Variants in ERC2 observed in about 807,000 individuals in gnomAD.
ERC2 encodes ERC protein 2.
In ERC2, 42 loss-of-function variants were observed where a neutral mutation model predicts 114.8. That is an observed-to-expected ratio of 0.37 (90% CI 0.29 to 0.47). The LOEUF (loss-of-function observed/expected upper bound fraction) is 0.47, where lower values mean the gene tolerates loss of function less well. Among genes scored for constraint, ERC2 ranks in the 20% least tolerant of loss-of-function variants. The pLI, the probability that ERC2 is intolerant of heterozygous loss-of-function variation, is 0.99. For missense variants in ERC2, 939 were observed against 1,150.7 expected, an observed-to-expected ratio of 0.82 and a Z score of 2.66; for synonymous variants, 454 against 425.5, an observed-to-expected ratio of 1.07 and a Z score of -0.82.
At chr3:55,767,704 A>G (rs2067907317) in intron 14 of ERC2, among the ~76,000 whole-genome samples, 2 of 152,202 alleles carry the variant, frequency 1.3e-5, no homozygotes, top group Admixed American at 6.5e-5. Context: ...AGTACACTAA[A>G]GGGCATCAGG....
chr3:55,722,883 G>A (rs2148890681), intron 15 of ERC2, among the ~76,000 whole-genome samples: 1 of 152,246 alleles, frequency 6.6e-6, no homozygotes, highest in Admixed American at 6.5e-5. Flanking sequence ...AAATATTTAC[G>A]AATGTCAAGT....
chr3:55,750,631 G>A (rs978628480), intron 14 of ERC2, among the ~76,000 whole-genome samples: 4 of 152,162 alleles, frequency 2.6e-5, no homozygotes, highest in African/African-American at 9.7e-5. Context: ...TCCAGATGGG[G>A]TAAGTGTCTG....
intron 2 of ERC2, among the ~76,000 whole-genome samples, chr3:56,336,867 A>C (rs1405149509): frequency 6.6e-6 from 1 of 152,184 alleles, no homozygotes. Context: ...CTAAGACATT[A>C]TTTCTCTACA....
At chr3:56,125,623 T>C (rs1466525179) in intron 6 of ERC2, among the ~76,000 whole-genome samples, 2 of 152,228 alleles carry the variant, frequency 1.3e-5, no homozygotes, top group Non-Finnish European at 2.9e-5. Flanking sequence ...TCCACTTCCC[T>C]ATCAGATTTC....
chr3:56,300,179 G>A (rs540058644), intron 2 of ERC2, among the ~76,000 whole-genome samples: 3 of 151,268 alleles, frequency 2.0e-5, no homozygotes, highest in African/African-American at 7.3e-5. Context: ...AAGAAGAAAA[G>A]CAGGAAAGAA....
chr3:55,957,517 G>A (rs2068041981), intron 12 of ERC2, among the ~76,000 whole-genome samples: 1 of 152,194 alleles, frequency 6.6e-6, no homozygotes, highest in Non-Finnish European at 1.5e-5. Context: ...AAACCTCTGT[G>A]GCCAGCCGCA....
At chr3:56,320,555 T>C (rs1362987338) in intron 2 of ERC2, among the ~76,000 whole-genome samples, 2 of 152,250 alleles carry the variant, frequency 1.3e-5, no homozygotes, top group Admixed American at 6.5e-5. Flanking sequence ...TATTAAACCA[T>C]GGGAATTGGC....
chr3:56,314,271 C>A (rs1048913496), intron 2 of ERC2, among the ~76,000 whole-genome samples: 1 of 152,030 alleles, frequency 6.6e-6, no homozygotes, highest in Non-Finnish European at 1.5e-5. Flanking sequence ...AGGTTATTTT[C>A]GCTAAACCTC....
intron 2 of ERC2, among the ~76,000 whole-genome samples, chr3:56,403,593 G>T (rs1157014037): frequency 1.3e-5 from 2 of 152,126 alleles, no homozygotes; most frequent in Non-Finnish European, 2.9e-5. Flanking sequence ...TAGAAATAAA[G>T]AATCCCAGGC....
chr3:55,534,618 C>CCTGGGAAGT (rs1402649398), intron 17 of ERC2, among the ~76,000 whole-genome samples: 1 of 151,974 alleles, frequency 6.6e-6, no homozygotes, highest in Admixed American at 6.6e-5. Flanking sequence ...ATCAATCGAG[C>CCTGGGAAGT]CTGGGAAGTC....
chr3:56,390,269 A>G (rs1336908489), intron 2 of ERC2, among the ~76,000 whole-genome samples: 5 of 152,206 alleles, frequency 3.3e-5, no homozygotes, highest in Non-Finnish European at 5.9e-5. Context: ...CTGAGTTTCA[A>G]TGGAAAAAAT....
At chr3:56,452,476 T>C (rs547033592) in intron 1 of ERC2, among the ~76,000 whole-genome samples, 75 of 152,368 alleles carry the variant, frequency 4.9e-4, no homozygotes, top group Non-Finnish European at 9.8e-4. Flanking sequence ...GAATTAGTAA[T>C]GTCATATGAC....
At chr3:56,055,943 TTTC>T (rs2075994540) in intron 7 of ERC2, among the ~76,000 whole-genome samples, 1 of 150,736 alleles carries the variant, frequency 6.6e-6, no homozygotes, top group African/African-American at 2.4e-5. Flanking sequence ...GGAAGGGGGG[TTTC>T]TTTAAAGAAA....
At chr3:55,569,712 GA>G (rs2056592346) in intron 17 of ERC2, among the ~76,000 whole-genome samples, 1 of 152,172 alleles carries the variant, frequency 6.6e-6, no homozygotes, top group Non-Finnish European at 1.5e-5. Flanking sequence ...ATTAAGTCAA[GA>G]ATTTAAAAAC....
chr3:55,920,101 T>A (rs180820302), intron 13 of ERC2, among the ~76,000 whole-genome samples: 1 of 152,096 alleles, frequency 6.6e-6, no homozygotes, highest in Non-Finnish European at 1.5e-5. Context: ...TATGGCCGGA[T>A]GCACATTACA....
At chr3:56,176,315 A>C (rs2082976452) in intron 3 of ERC2, among the ~76,000 whole-genome samples, 1 of 152,212 alleles carries the variant, frequency 6.6e-6, no homozygotes, top group Admixed American at 6.5e-5. Context: ...ATAATGAAGA[A>C]GCAACCAAGC....
At chr3:56,198,991 T>A (rs1273288959) in intron 3 of ERC2, among the ~76,000 whole-genome samples, 1 of 152,190 alleles carries the variant, frequency 6.6e-6, no homozygotes, top group Non-Finnish European at 1.5e-5. Context: ...GGATTATGGC[T>A]CAGTTTCTTT....
intron 2 of ERC2, among the ~76,000 whole-genome samples, chr3:56,379,837 GAACT>G (rs1490411104): frequency 1.3e-5 from 2 of 152,136 alleles, no homozygotes; most frequent in African/African-American, 4.8e-5. Context: ...ATAGAATTAA[GAACT>G]AACTAAAATT....
intron 2 of ERC2, among the ~76,000 whole-genome samples, chr3:56,319,325 A>G (rs2057018242): frequency 6.6e-6 from 1 of 152,200 alleles, no homozygotes; most frequent in Non-Finnish European, 1.5e-5. Context: ...AAAAAAAGAA[A>G]ATTCTGCCAT....
Sources: gnomAD v4.1 joint callset for allele counts (sites outside exome capture counted in the v4.1 genomes callset) on GRCh38, gnomAD v4.1.1 for gene constraint, MANE v1.5 for transcripts, NCBI Gene and HGNC (gene_info 2026-07-23, HGNC 2026-07-21) for gene names.